MSH4: variants seen among roughly 807,000 people sequenced by gnomAD.
MSH4 encodes mutS homolog 4, also known as mutS protein homolog 4.
A neutral mutation model predicts 113.7 loss-of-function variants in MSH4; 106 were observed. That is an observed-to-expected ratio of 0.93 (90% CI 0.80 to 1.10). The LOEUF is 1.10. Among genes scored for constraint, MSH4 ranks in the 50% least tolerant of loss-of-function variants. The probability of loss-of-function intolerance (pLI) is 0.00; values close to 1 mark genes in which losing one functional copy is unlikely to be tolerated. For missense variants in MSH4, 1,061 were observed against 1,093.7 expected (o/e 0.97, Z 0.42); for synonymous variants, 368 against 380.2 (o/e 0.97, Z 0.37).
chr1:75,847,182 C>G (rs1651093327), intron 7 of MSH4, among the ~76,000 whole-genome samples: 2 of 152,216 alleles, frequency 1.3e-5, no homozygotes, highest in Admixed American at 6.5e-5. Flanking sequence ...ACCTAACCAT[C>G]TCTTAAAGAT....
At chr1:75,850,259 G>T (rs1230852515) in intron 8 of MSH4, among the ~76,000 whole-genome samples, 1 of 151,974 alleles carries the variant, frequency 6.6e-6, no homozygotes, top group Admixed American at 6.6e-5. Flanking sequence ...ATTGATTTGA[G>T]AACTTTTTTC....
intron 6 of MSH4, among the ~76,000 whole-genome samples, chr1:75,821,318 C>T (rs1364390404): frequency 4.6e-5 from 7 of 151,862 alleles, no homozygotes; most frequent in Admixed American, 1.3e-4. Flanking sequence ...GGGTACATAA[C>T]GAAATGAAGG....
chr1:75,913,056 TA>T lies in MSH4; in HGVS notation c.*171del, dbSNP rs1332296535. The T allele has an allele frequency of 5.7e-6, 2 of 352,322 alleles. No homozygotes were observed. Among genetic ancestry groups the T allele is most frequent in the Non-Finnish European group, 9.8e-6 (2 of 203,348 alleles). 21.8% of individuals were successfully genotyped at this position (352,322 alleles called of 1,614,324 possible). ...TATTCTATATGAAAAATATTTATTA[TA>T]ACTTAACAAATGAGAACTACTTAAA... On this transcript the variant is annotated 3_prime_UTR_variant, in exon 20 of 20. Transcript: ENST00000263187.
chr1:75,848,369 G>T, intron 8 of MSH4, 93 bp downstream of exon 8: 1 of 1,003,904 alleles, frequency 1.0e-6, no homozygotes, highest in South Asian at 1.5e-5. Flanking sequence ...ATATCAAAAT[G>T]TTTTGGGAAA....
chr1:75,828,589 A>G (rs1393565194), intron 7 of MSH4, among the ~76,000 whole-genome samples: 4 of 152,174 alleles, frequency 2.6e-5, no homozygotes. Flanking sequence ...TCTTACTTAT[A>G]TGTGGGAGCT....
In MSH4 at chr1:75,865,756, G is replaced by GT. The variant is rs559262417; in HGVS notation, c.1231-1756dup. Among the ~76,000 whole-genome samples, 270 of 152,220 alleles carry GT rather than the reference G, an allele frequency of 1.8e-3. 2 individuals carry two copies. The highest frequency in any genetic ancestry group is 2.9e-3 in the Admixed American group (45 of 15,286). Reference sequence around the variant, plus strand: ...ATCATCAATTACAAAATCTATAAAAGTTAATTAGAACACACAAGGCCATGA... The same window carrying GT: ...ATCATCAATTACAAAATCTATAAAAGTTTAATTAGAACACACAAGGCCATGA... On this transcript the variant is annotated intron_variant, in intron 8 of 19. Transcript: ENST00000263187.
chr1:75,844,160 T>A (rs1267826540), intron 7 of MSH4, among the ~76,000 whole-genome samples: 3 of 152,152 alleles, frequency 2.0e-5, no homozygotes, highest in Non-Finnish European at 4.4e-5. Context: ...TTGAGAGTGT[T>A]AATAAGTCTA....
intron 8 of MSH4, among the ~76,000 whole-genome samples, chr1:75,854,199 T>C (rs925438432): frequency 2.6e-5 from 4 of 151,562 alleles, no homozygotes; most frequent in African/African-American, 9.7e-5. Flanking sequence ...AAAAACCTGA[T>C]GAGAAATCCT....
chr1:75,899,670 C>A lies in MSH4; in HGVS notation c.2583C>A (p.Ala861=). The A allele has an allele frequency of 6.6e-7, 1 of 1,508,968 alleles. No individual in the cohort carries two copies. The highest frequency in any genetic ancestry group is 1.4e-5 in the South Asian group (1 of 71,768). 93.5% of individuals were successfully genotyped at this position (1,508,968 alleles called of 1,614,324 possible). ...TTCCACCATCAATTGTCTTGGATGC[C>A]AAGGAAATCACAACTCAAATTACGA... ...SSLPPSIVLD[A]KEITTQITRQ... Residue 861 remains alanine, a synonymous_variant, in exon 19 of 20, where the codon GCC becomes GCA. Transcript: ENST00000263187.
intron 3 of MSH4, among the ~76,000 whole-genome samples, chr1:75,807,755 C>T (rs1485068744): frequency 1.3e-5 from 2 of 150,224 alleles, no homozygotes; most frequent in South Asian, 4.5e-4. Flanking sequence ...TAAAAAAATA[C>T]CTAGTAAAGC....
chr1:75,899,739 T>C lies in MSH4; in HGVS notation c.2619+33T>C, dbSNP rs768015611. 3.2e-6 allele frequency: 4 copies of C among 1,253,250 alleles called. No individual in the cohort carries two copies. The Admixed American group carries it at 1.1e-4, about 35-fold the overall frequency. 77.6% of individuals were successfully genotyped at this position (1,253,250 alleles called of 1,614,324 possible). Reference sequence around the variant, plus strand: ...ACTTTGTTCTTATTTGTTCTTCAAATTAAAAAAAATACTTTTAGTGTAGAT... The same window carrying C: ...ACTTTGTTCTTATTTGTTCTTCAAACTAAAAAAAATACTTTTAGTGTAGAT... On this transcript the variant is annotated intron_variant, in intron 19 of 19. Transcript: ENST00000263187.
intron 4 of MSH4, among the ~76,000 whole-genome samples, chr1:75,811,778 ACTTAT>A (rs1354612084): frequency 7.2e-5 from 11 of 152,130 alleles, no homozygotes; most frequent in Non-Finnish European, 1.5e-4. Context: ...ATGTTTTTAG[ACTTAT>A]CTTTTACTTT....
chr1:75,885,937 A>G (rs3930134), intron 15 of MSH4, among the ~76,000 whole-genome samples: 6,962 of 20,094 alleles, frequency 0.35, 894 homozygotes, highest in East Asian at 0.91. Flanking sequence ...GTATTATATA[A>G]CATATATAAT....
At chr1:75,813,937 TGGC>T (rs1650240670) in intron 4 of MSH4, among the ~76,000 whole-genome samples, 2 of 152,186 alleles carry the variant, frequency 1.3e-5, no homozygotes, top group Non-Finnish European at 2.9e-5. Flanking sequence ...GTCTCAGCTT[TGGC>T]ACAGATCAAC....
At chr1:75,844,030 C>T (rs1258222886) in intron 7 of MSH4, among the ~76,000 whole-genome samples, 1 of 152,038 alleles carries the variant, frequency 6.6e-6, no homozygotes, top group African/African-American at 2.4e-5. Context: ...TGGCTGGTCT[C>T]GAACTCCTGA....
At chr1:75,804,965 T>C (rs1024727497) in intron 2 of MSH4, among the ~76,000 whole-genome samples, 8 of 151,642 alleles carry the variant, frequency 5.3e-5, no homozygotes, top group Non-Finnish European at 7.4e-5. Context: ...GTAGCTGAGA[T>C]TACAGGCATG....
intron 10 of MSH4, among the ~76,000 whole-genome samples, chr1:75,877,539 C>CACAT (rs1557519768): frequency 6.6e-6 from 1 of 152,002 alleles, no homozygotes; most frequent in Non-Finnish European, 1.5e-5. Flanking sequence ...TGTGAGGCCA[C>CACAT]ACATTGAAGT....
intron 6 of MSH4, among the ~76,000 whole-genome samples, chr1:75,817,740 A>G (rs1234335187): frequency 2.0e-5 from 3 of 152,090 alleles, no homozygotes; most frequent in South Asian, 2.1e-4. Flanking sequence ...ATTGATTTCT[A>G]TAACAAATGG....
chr1:75,871,311 C>T (rs1202157359), intron 9 of MSH4, among the ~76,000 whole-genome samples: 1 of 152,070 alleles, frequency 6.6e-6, no homozygotes, highest in Admixed American at 6.6e-5. Context: ...TATGGGAATT[C>T]TAGGGATTAT....
Sources: allele counts gnomAD v4.1 joint callset (sites outside exome capture counted in the v4.1 genomes callset), GRCh38; gene constraint gnomAD v4.1.1; transcripts MANE v1.5; gene names NCBI Gene and HGNC (gene_info 2026-07-23, HGNC 2026-07-21).